ATP10D: variants seen among roughly 807,000 people sequenced by gnomAD.
ATP10D encodes phospholipid-transporting ATPase VD.
Under a neutral mutation model 144.8 loss-of-function variants are expected in ATP10D, and 89 were observed. The observed-to-expected ratio is 0.61, with a 90% CI of 0.52 to 0.73. ATP10D has a LOEUF of 0.73. Among genes scored for constraint, ATP10D ranks in the 30% least tolerant of loss-of-function variants. The pLI is 0.00. For synonymous variants in ATP10D, 571 were observed against 615.1 expected (o/e 0.93, Z 1.06); for missense variants, 1,603 against 1,714.8 (o/e 0.93, Z 1.15).
At chr4:47,494,742 G>A (rs1227905811) in intron 1 of ATP10D, among the ~76,000 whole-genome samples, 1 of 152,020 alleles carries the variant, frequency 6.6e-6, no homozygotes, top group Non-Finnish European at 1.5e-5. Flanking sequence ...AGCAATGAAG[G>A]TGATATTTGA....
chr4:47,582,386 A>G (rs16860400), intron 21 of ATP10D, among the ~76,000 whole-genome samples: 6,021 of 152,262 alleles, frequency 0.04, 392 homozygotes, highest in African/African-American at 0.14. Context: ...AAAATGAAAA[A>G]AGGTGTTGTA....
intron 21 of ATP10D, among the ~76,000 whole-genome samples, chr4:47,584,870 T>G (rs1720704439): frequency 6.6e-6 from 1 of 152,228 alleles, no homozygotes; most frequent in Non-Finnish European, 1.5e-5. Flanking sequence ...GCAGTCTGTG[T>G]GACTCTTGTG....
At chr4:47,547,767 T>C (rs899002695) in intron 10 of ATP10D, among the ~76,000 whole-genome samples, 10 of 152,188 alleles carry the variant, frequency 6.6e-5, no homozygotes, top group African/African-American at 2.4e-4. Context: ...TCATTTGTCC[T>C]GGGAAGGCCT....
chr4:47,574,159 T>A (rs1410573938), intron 18 of ATP10D, among the ~76,000 whole-genome samples: 3 of 152,226 alleles, frequency 2.0e-5, no homozygotes, highest in Non-Finnish European at 4.4e-5. Flanking sequence ...TCCCCTATTG[T>A]GGCAATATCC....
At chr4:47,542,587 C>T (rs1010142063) in intron 9 of ATP10D, among the ~76,000 whole-genome samples, 1 of 152,176 alleles carries the variant, frequency 6.6e-6, no homozygotes, top group Non-Finnish European at 1.5e-5. Context: ...AAGCAGCTCT[C>T]CTGCCTCAGC....
At chr4:47,573,170 TC>T (rs1446133674) in intron 18 of ATP10D, among the ~76,000 whole-genome samples, 173 bp downstream of exon 18, 3 of 152,216 alleles carry the variant, frequency 2.0e-5, no homozygotes, top group Non-Finnish European at 4.4e-5. Flanking sequence ...GTGCTATGTT[TC>T]AGCTGCTGAC....
chr4:47,572,864 A>G lies in ATP10D; in HGVS notation c.3241-8A>G. ...CAGGATGGCATTCTCTCCCCATTGCATCTGCAGGCTGTGATGGCCAGTGAC... is the reference window on the plus strand; with the variant it reads ...CAGGATGGCATTCTCTCCCCATTGCGTCTGCAGGCTGTGATGGCCAGTGAC... On this transcript the variant is annotated splice_region_variant and splice_polypyrimidine_tract_variant and intron_variant, in intron 17 of 22. Transcript: ENST00000273859. The G allele has an allele frequency of 6.2e-7, 1 of 1,614,132 alleles. No individual in the cohort carries two copies. The highest frequency in any genetic ancestry group is 8.5e-7 in the Non-Finnish European group (1 of 1,180,008).
intron 10 of ATP10D, among the ~76,000 whole-genome samples, chr4:47,550,762 A>G (rs186984544): frequency 2.2e-3 from 332 of 152,340 alleles, no homozygotes; most frequent in African/African-American, 7.6e-3. Flanking sequence ...AACAATGGCA[A>G]GTGGCAATGG....
chr4:47,569,224 C>G (rs1245957589), intron 16 of ATP10D, 78 bp downstream of exon 16: 2 of 1,481,972 alleles, frequency 1.3e-6, no homozygotes, highest in Non-Finnish European at 1.8e-6. Context: ...TCTCTTTCTT[C>G]TCCCACTGTT....
At chr4:47,552,645 C>A (rs1278873951) in intron 10 of ATP10D, among the ~76,000 whole-genome samples, 1 of 152,112 alleles carries the variant, frequency 6.6e-6, no homozygotes, top group Non-Finnish European at 1.5e-5. Context: ...ACATTTAGAC[C>A]GTAGTAAATA....
intron 10 of ATP10D, among the ~76,000 whole-genome samples, chr4:47,550,987 G>A (rs1286563143): frequency 1.3e-5 from 2 of 152,264 alleles, no homozygotes; most frequent in African/African-American, 4.8e-5. Context: ...AAAGAGGGTA[G>A]CCGTTGCCGG....
In ATP10D at chr4:47,504,564, C is replaced by CT. The variant is rs545066710; in HGVS notation, c.-37-7930dup. Among the ~76,000 whole-genome samples, 1,087 of 149,170 alleles carry CT rather than the reference C, an allele frequency of 7.3e-3. 4 individuals carry two copies. Among genetic ancestry groups the CT allele is most frequent in the Non-Finnish European group, 0.012 (780 of 66,964 alleles). ...ACCTCTGATGTGTAGGTCAAGGAGA[C>CT]TTTTTTTTTTCTTTTTGAGATGGAG... On this transcript the variant is annotated intron_variant, in intron 1 of 22. Coordinates refer to ENST00000273859, the MANE Select transcript of ATP10D (RefSeq NM_020453.4).
At chr4:47,566,853 G>A (rs1186492270) in intron 15 of ATP10D, among the ~76,000 whole-genome samples, 1 of 152,148 alleles carries the variant, frequency 6.6e-6, no homozygotes. Context: ...AACGTTAAAT[G>A]CATTGCCAAC....
At chr4:47,587,320 G>A in intron 22 of ATP10D, 114 bp downstream of exon 22, 2 of 903,700 alleles carry the variant, frequency 2.2e-6, no homozygotes, top group South Asian at 1.8e-5. Context: ...TAGTGAGAAA[G>A]TCAATTTGTG....
intron 5 of ATP10D, among the ~76,000 whole-genome samples, chr4:47,533,853 C>A (rs1221199340): frequency 6.6e-6 from 1 of 152,180 alleles, no homozygotes; most frequent in Non-Finnish European, 1.5e-5. Context: ...TACCCCTCCA[C>A]TGTGTAATTT....
At chr4:47,542,950 G>A (rs912933543) in intron 9 of ATP10D, among the ~76,000 whole-genome samples, 1 of 152,090 alleles carries the variant, frequency 6.6e-6, no homozygotes, top group South Asian at 2.1e-4. Context: ...CCCTAATGAT[G>A]GCTAGGAGTT....
chr4:47,546,887 T>C (rs1718466905), intron 10 of ATP10D, 25 bp downstream of exon 10: 2 of 1,580,494 alleles, frequency 1.3e-6, no homozygotes, highest in Non-Finnish European at 1.7e-6. Flanking sequence ...ATGACTAGAG[T>C]CTTGCACATC....
intron 13 of ATP10D, among the ~76,000 whole-genome samples, chr4:47,560,490 A>C (rs1719237630): frequency 6.6e-6 from 1 of 152,188 alleles, no homozygotes; most frequent in Non-Finnish European, 1.5e-5. Context: ...TCTGTCTCAA[A>C]AACAAAAACA....
intron 18 of ATP10D, 96 bp from the exon 19 acceptor site, chr4:47,576,677 T>C (rs1720260007): frequency 8.7e-7 from 1 of 1,144,856 alleles, no homozygotes; most frequent in Admixed American, 1.8e-5. Flanking sequence ...ACAGAGAGGC[T>C]GAGGTCACCC....
Sources: gnomAD v4.1 joint callset for allele counts (sites outside exome capture counted in the v4.1 genomes callset) on GRCh38, gnomAD v4.1.1 for gene constraint, MANE v1.5 for transcripts, NCBI Gene and HGNC (gene_info 2026-07-23, HGNC 2026-07-21) for gene names.